Variants in GALNT9 observed in about 807,000 individuals in gnomAD.
GALNT9 encodes polypeptide N-acetylgalactosaminyltransferase 9.
Under a neutral mutation model 63.1 loss-of-function variants are expected in GALNT9, and 47 were observed. The ratio of observed to expected loss-of-function variants is 0.75; its 90% CI spans 0.59 to 0.95. The LOEUF is 0.95. Among genes scored for constraint, GALNT9 ranks in the 40% least tolerant of loss-of-function variants. GALNT9 has a pLI of 0.00. For synonymous variants in GALNT9, 396 were observed against 365.7 expected, an observed-to-expected ratio of 1.08 and a Z score of -0.94; for missense variants, 829 against 874.8, an observed-to-expected ratio of 0.95 and a Z score of 0.66.
intron 1 of GALNT9, among the ~76,000 whole-genome samples, chr12:132,313,481 T>C (rs2135585401): frequency 1.1e-5 from 1 of 94,726 alleles, no homozygotes. Context: ...ACCCACCTAA[T>C]CCATCCAGCC....
chr12:132,307,596 G>C (rs984533623), intron 1 of GALNT9, among the ~76,000 whole-genome samples: 1 of 151,682 alleles, frequency 6.6e-6, no homozygotes, highest in Non-Finnish European at 1.5e-5. Flanking sequence ...CACTGTGGGA[G>C]GCCAAGGCGG....
chr12:132,237,602 CA>C (rs1221467615), intron 6 of GALNT9, among the ~76,000 whole-genome samples: 1 of 148,544 alleles, frequency 6.7e-6, no homozygotes, highest in Admixed American at 6.6e-5. Context: ...TAACTGCTCA[CA>C]CCACACACCT....
intron 6 of GALNT9, among the ~76,000 whole-genome samples, chr12:132,223,003 C>CCCCA (rs1877524751): frequency 9.1e-6 from 1 of 110,038 alleles, no homozygotes; most frequent in Non-Finnish European, 2.0e-5. Flanking sequence ...CACATACACC[C>CCCCA]CACACAACCC....
At chr12:132,278,499 G>C (rs1880199741) in intron 2 of GALNT9, 1 of 152,154 alleles carries the variant, frequency 6.6e-6, no homozygotes, top group Non-Finnish European at 1.5e-5. Flanking sequence ...TTCCAGACCC[G>C]GACCCCACTG....
intron 6 of GALNT9, among the ~76,000 whole-genome samples, chr12:132,239,621 G>GAGAGACAGAGAGACAGAGTC (rs1296420197): frequency 6.6e-6 from 1 of 151,192 alleles, no homozygotes; most frequent in African/African-American, 2.4e-5. Context: ...CTGAGAGACT[G>GAGAGACAGAGAGACAGAGTC]AGAGACAGAG....
rs2135533105 is a variant in GALNT9 at position 132,245,162 on chromosome 12, C to T, written c.1077+2748G>A. Among the ~76,000 whole-genome samples the T allele has an allele frequency of 6.6e-6, 1 of 152,124 alleles. No individual in the cohort carries two copies. Among genetic ancestry groups the T allele is most frequent in the African/African-American group, 2.4e-5 (1 of 41,476 alleles). Reference sequence around the variant, plus strand: ...GCCATCAGAAAGGCCCCTATGTCAGCCAGGCGTGGTGGTTCACACCTGGAA... The same window carrying T: ...GCCATCAGAAAGGCCCCTATGTCAGTCAGGCGTGGTGGTTCACACCTGGAA... On this transcript the variant is annotated intron_variant, in intron 6 of 10. Transcript: ENST00000328957. The surrounding 1 kb of genome is among the most constrained non-coding windows in gnomAD (Gnocchi z 6.3).
rs1398274023 is a variant in GALNT9, at chr12:132,200,903, C to G, written c.1401+221G>C. On this transcript the variant is annotated intron_variant, in intron 8 of 10. Coordinates refer to ENST00000328957, the MANE Select transcript of GALNT9 (RefSeq NM_001122636.2). ...AGGTGCGTGTGTTTATGTGAACCTG[C>G]ACCTTGTGTGTGCACGTGGATGTGC... 1.6e-5 allele frequency: 9 copies of G among 560,138 alleles called. No individual in the cohort carries two copies. The South Asian group carries it at 1.9e-4, about 12-fold the overall frequency. 34.7% of individuals were successfully genotyped at this position (560,138 alleles called of 1,614,324 possible).
intron 1 of GALNT9, among the ~76,000 whole-genome samples, chr12:132,305,134 GCCTCGCCCGGGCACAC>G (rs1280358402): frequency 4.7e-5 from 1 of 21,280 alleles, no homozygotes; most frequent in African/African-American, 2.3e-4. Flanking sequence ...CCCGGGCACA[GCCTCGCCCGGGCACAC>G]CCTCGCCTGG....
At chr12:132,280,740 T>C (rs28561652) in intron 2 of GALNT9, 22,804 of 152,168 alleles carry the variant, frequency 0.15, 4,883 homozygotes, top group African/African-American at 0.48. Context: ...CCCCTCAGGG[T>C]GGCCCCCCAG....
intron 1 of GALNT9, among the ~76,000 whole-genome samples, chr12:132,317,750 C>G (rs1322864964): frequency 6.6e-6 from 1 of 152,146 alleles, no homozygotes; most frequent in Non-Finnish European, 1.5e-5. Flanking sequence ...CCTCCAGCCC[C>G]GGGGCCCAGC....
intron 10 of GALNT9, 99 bp downstream of exon 10, chr12:132,197,692 GC>G: frequency 1.1e-6 from 1 of 921,488 alleles, no homozygotes; most frequent in Non-Finnish European, 1.7e-6. Context: ...CCGCACTCCA[GC>G]TCCCACCCAA....
chr12:132,222,129 C>G (rs1877475680), intron 6 of GALNT9, among the ~76,000 whole-genome samples: 1 of 152,096 alleles, frequency 6.6e-6, no homozygotes, highest in South Asian at 2.1e-4. Flanking sequence ...ATCTTAAAAC[C>G]TGATAAAGAT....
At chr12:132,257,402 C>A (rs1555239167) in intron 5 of GALNT9, among the ~76,000 whole-genome samples, 1 of 152,014 alleles carries the variant, frequency 6.6e-6, no homozygotes, top group Non-Finnish European at 1.5e-5. Flanking sequence ...AGCCCCTGCA[C>A]CAGGTTGTGC....
Position 132,261,258 on chromosome 12 carries a change from C to T in GALNT9, c.587-136G>A, listed in dbSNP as rs1189536176. 1.8e-5 allele frequency: 25 copies of T among 1,367,180 alleles called. No homozygotes were observed. In the African/African-American group the frequency reaches 2.7e-4, roughly 15 times the overall value. The allele number at this position is 1,367,180 out of a possible 1,614,324, so 84.7% of individuals were successfully genotyped here. A position where few individuals can be genotyped will look rare whatever the true frequency, so the allele number is the denominator to read the frequency against. On this transcript the variant is annotated intron_variant, in intron 3 of 10. Coordinates refer to ENST00000328957, the MANE Select transcript of GALNT9 (RefSeq NM_001122636.2). ...CATTCTCTTAGGACCCACTGAACCA[C>T]ATGTGGTTCAGCGTGGAGGTCACAG...
chr12:132,288,314 T>C (rs1462275846), intron 1 of GALNT9, among the ~76,000 whole-genome samples: 1 of 152,250 alleles, frequency 6.6e-6, no homozygotes, highest in South Asian at 2.1e-4. Flanking sequence ...GTAAACAAAG[T>C]GTCCGTATTT....
intron 6 of GALNT9, among the ~76,000 whole-genome samples, chr12:132,222,377 A>G (rs1877484178): frequency 6.6e-6 from 1 of 152,126 alleles, no homozygotes; most frequent in Non-Finnish European, 1.5e-5. Context: ...CAGGAGTTCA[A>G]GGCCAGCCTG....
At chr12:132,201,395 A>AAGCCCCATCC in intron 7 of GALNT9, 134 bp from the exon 8 acceptor site, 1 of 609,030 alleles carries the variant, frequency 1.6e-6, no homozygotes, top group Non-Finnish European at 2.9e-6. Flanking sequence ...TCAGATGCTG[A>AAGCCCCATCC]GGCCCCATCC....
chr12:132,237,024 C>T (rs2136895132), intron 6 of GALNT9, among the ~76,000 whole-genome samples: 9,307 of 152,226 alleles, frequency 0.061, 403 homozygotes, highest in African/African-American at 0.11. Flanking sequence ...GGGATTCCGC[C>T]CAGGTCCTCT....
At chr12:132,267,940 CGCACTCACATACAGTCACACACAT>C (rs1372955942) in intron 2 of GALNT9, among the ~76,000 whole-genome samples, 1 of 149,902 alleles carries the variant, frequency 6.7e-6, no homozygotes, top group Non-Finnish European at 1.5e-5. Flanking sequence ...CACACACACA[CGCACTCACATACAGTCACACACAT>C]GCACACAAAC....
Sources: allele counts gnomAD v4.1 joint callset (sites outside exome capture counted in the v4.1 genomes callset), GRCh38; gene constraint gnomAD v4.1.1; non-coding constraint Gnocchi (gnomAD v3.1); transcripts MANE v1.5; gene names NCBI Gene and HGNC (gene_info 2026-07-23, HGNC 2026-07-21).